DEUP1: variants seen among roughly 807,000 people sequenced by gnomAD.
The protein encoded by DEUP1 is deuterosome assembly protein 1, also known as coiled-coil domain containing 67.
In DEUP1, 82 loss-of-function variants were observed where a neutral mutation model predicts 87.4. The observed-to-expected ratio is 0.94, with a 90% CI of 0.78 to 1.13. The LOEUF is 1.13. Among genes scored for constraint, DEUP1 ranks in the 50% most tolerant of loss-of-function variants. DEUP1 has a pLI of 0.00. For missense variants in DEUP1, 663 were observed against 681.5 expected, an observed-to-expected ratio of 0.97 and a Z score of 0.30; for synonymous variants, 214 against 222.7, an observed-to-expected ratio of 0.96 and a Z score of 0.35.
At chr11:93,336,803 C>A (rs1037025449) in intron 2 of DEUP1, among the ~76,000 whole-genome samples, 4 of 152,188 alleles carry the variant, frequency 2.6e-5, no homozygotes, top group African/African-American at 9.6e-5. Flanking sequence ...TCACTTGCTA[C>A]TTCCAGATGT....
intron 13 of DEUP1, among the ~76,000 whole-genome samples, chr11:93,418,884 G>T (rs1350235061): frequency 1.3e-5 from 2 of 151,764 alleles, no homozygotes; most frequent in African/African-American, 2.4e-5. Flanking sequence ...CCTTTGTAGG[G>T]ATATGGATGA....
chr11:93,361,608 C>T (rs1229392242), intron 4 of DEUP1, among the ~76,000 whole-genome samples: 1 of 151,814 alleles, frequency 6.6e-6, no homozygotes, highest in African/African-American at 2.4e-5. Context: ...GTAATACCTA[C>T]AGCAACCACT....
intron 4 of DEUP1, among the ~76,000 whole-genome samples, chr11:93,363,405 A>G (rs1299103445): frequency 4.0e-5 from 6 of 151,898 alleles, no homozygotes; most frequent in Non-Finnish European, 8.9e-5. Context: ...GTGGTTCAAT[A>G]AGATGTAAAT....
chr11:93,330,659 G>T, upstream of DEUP1: 1 of 153,106 alleles, frequency 6.5e-6, no homozygotes, highest in South Asian at 1.8e-4. Flanking sequence ...CAGGCGGCGG[G>T]AGCGCGGCGG....
intron 11 of DEUP1, among the ~76,000 whole-genome samples, chr11:93,407,394 CTGTA>C (rs2134413781): frequency 6.6e-6 from 1 of 152,232 alleles, no homozygotes; most frequent in South Asian, 2.1e-4. Flanking sequence ...TGTAGACACA[CTGTA>C]TGATCACATG....
intron 13 of DEUP1, among the ~76,000 whole-genome samples, chr11:93,430,318 A>G (rs1412702589): frequency 6.6e-6 from 1 of 151,518 alleles, no homozygotes; most frequent in Non-Finnish European, 1.5e-5. Context: ...TAGTATGGTG[A>G]AAAAAAAAGA....
intron 12 of DEUP1, among the ~76,000 whole-genome samples, chr11:93,410,124 G>A (rs555887319): frequency 6.6e-6 from 1 of 152,258 alleles, no homozygotes; most frequent in African/African-American, 2.4e-5. Flanking sequence ...CCTACTTTCA[G>A]CACCTCAGCC....
At chr11:93,408,662 T>A (rs922679676) in intron 12 of DEUP1, among the ~76,000 whole-genome samples, 1 of 152,156 alleles carries the variant, frequency 6.6e-6, no homozygotes, top group African/African-American at 2.4e-5. Flanking sequence ...TCATCTCAGA[T>A]CTTTTTGGAA....
chr11:93,427,178 G>A (rs947649944), intron 13 of DEUP1, among the ~76,000 whole-genome samples: 1 of 150,456 alleles, frequency 6.6e-6, no homozygotes, highest in South Asian at 2.1e-4. Context: ...TCAATCCTAA[G>A]CCAAAAGAAC....
At chr11:93,434,491 T>C (rs1325453288) in intron 13 of DEUP1, among the ~76,000 whole-genome samples, 1 of 152,218 alleles carries the variant, frequency 6.6e-6, no homozygotes, top group Non-Finnish European at 1.5e-5. Context: ...GCCTCTGTTA[T>C]GCAGTAGCAA....
chr11:93,419,952 C>T (rs1947815310), intron 13 of DEUP1, among the ~76,000 whole-genome samples: 1 of 151,692 alleles, frequency 6.6e-6, no homozygotes, highest in African/African-American at 2.4e-5. Context: ...GGTCCAGGAC[C>T]AGATGGATTC....
At chr11:93,343,340 C>G (rs1053504592) in intron 2 of DEUP1, among the ~76,000 whole-genome samples, 5 of 152,158 alleles carry the variant, frequency 3.3e-5, no homozygotes, top group African/African-American at 1.2e-4. Context: ...AATAGATCTT[C>G]TAGCAAGAAA....
chr11:93,338,691 C>A (rs1251025255), intron 2 of DEUP1, among the ~76,000 whole-genome samples: 1 of 152,112 alleles, frequency 6.6e-6, no homozygotes, highest in Non-Finnish European at 1.5e-5. Flanking sequence ...AGGCATGAAC[C>A]ACTGCTCCCA....
At chr11:93,333,953 C>G (rs1943615203) in intron 2 of DEUP1, among the ~76,000 whole-genome samples, 1 of 152,184 alleles carries the variant, frequency 6.6e-6, no homozygotes, top group Non-Finnish European at 1.5e-5. Context: ...TCCCAGATAT[C>G]ACTTCACTCC....
At chr11:93,381,812 CTAACA>C (rs1946316719) in intron 7 of DEUP1, among the ~76,000 whole-genome samples, 1 of 151,922 alleles carries the variant, frequency 6.6e-6, no homozygotes, top group African/African-American at 2.4e-5. Context: ...ATGAGTGAAA[CTAACA>C]TATCATAACA....
chr11:93,411,092 A>G (rs1947422914), intron 12 of DEUP1: 1 of 152,152 alleles, frequency 6.6e-6, no homozygotes, highest in South Asian at 2.1e-4. Flanking sequence ...TTGAGATGCA[A>G]GGACACTGTG....
intron 5 of DEUP1, among the ~76,000 whole-genome samples, chr11:93,368,663 G>A (rs946152423): frequency 1.3e-5 from 2 of 152,166 alleles, no homozygotes; most frequent in East Asian, 1.9e-4. Flanking sequence ...CAGGCTGGGC[G>A]CAGTGGCTCA....
At chr11:93,377,860 G>A (rs1324313710) in intron 7 of DEUP1, among the ~76,000 whole-genome samples, 2 of 152,130 alleles carry the variant, frequency 1.3e-5, no homozygotes, top group Non-Finnish European at 2.9e-5. Flanking sequence ...CTTCATTTAT[G>A]AAGCTTAGTT....
intron 2 of DEUP1, among the ~76,000 whole-genome samples, chr11:93,352,766 AC>A (rs1431748926): frequency 2.0e-5 from 3 of 152,058 alleles, no homozygotes; most frequent in Non-Finnish European, 2.9e-5. Context: ...CCCCTGATAA[AC>A]CCATCAGATC....
Sources: allele counts gnomAD v4.1 joint callset (sites outside exome capture counted in the v4.1 genomes callset), GRCh38; gene constraint gnomAD v4.1.1; transcripts MANE v1.5; gene names NCBI Gene and HGNC (gene_info 2026-07-23, HGNC 2026-07-21).